The following ANKRD24 variants were observed in gnomAD, a reference collection of about 807,000 sequenced individuals.
The protein encoded by ANKRD24 is ankyrin repeat domain-containing protein 24.
Under a neutral mutation model 127.8 loss-of-function variants are expected in ANKRD24, and 109 were observed. That is an observed-to-expected ratio of 0.85 (90% CI 0.73 to 1.00). The LOEUF is 1.00. ANKRD24 is among the 50% of genes least tolerant of loss of function. The pLI, the probability that ANKRD24 is intolerant of heterozygous loss-of-function variation, is 0.00. For synonymous variants in ANKRD24, 743 were observed against 671.1 expected, an observed-to-expected ratio of 1.11 and a Z score of -1.66; for missense variants, 1,648 against 1,570.2, an observed-to-expected ratio of 1.05 and a Z score of -0.84.
chr19:4,200,892 G>A (rs1044930462), intron 5 of ANKRD24, among the ~76,000 whole-genome samples: 2 of 152,148 alleles, frequency 1.3e-5, no homozygotes, highest in African/African-American at 4.8e-5. Context: ...GGGACCATTG[G>A]ACGAACTAAG....
At chr19:4,216,463 G>A in intron 17 of ANKRD24, 61 bp downstream of exon 17, 3 of 1,556,336 alleles carry the variant, frequency 1.9e-6, no homozygotes, top group Non-Finnish European at 2.6e-6. Flanking sequence ...TGAGGTCAGG[G>A]TGGGCAGGGA....
intron 2 of ANKRD24, among the ~76,000 whole-genome samples, chr19:4,189,594 C>G (rs1001250683): frequency 2.6e-5 from 4 of 151,784 alleles, no homozygotes; most frequent in Non-Finnish European, 5.9e-5. Flanking sequence ...CTATGTTGTC[C>G]AGGCTGGTCT....
At chr19:4,203,052 CT>C (rs551724235) in intron 7 of ANKRD24, 126 bp downstream of exon 7, 76,326 of 583,138 alleles carry the variant, frequency 0.13, no homozygotes, top group South Asian at 0.19. Context: ...TTCTTTCTTT[CT>C]TTTTTTTTTT....
In ANKRD24 at chr19:4,213,265, TTCCTTCCTTCCTTCCC is replaced by T. The variant is rs1326133272; in HGVS notation, c.1197+581_1197+596del. Among the ~76,000 whole-genome samples, 710 of 91,792 alleles carry T rather than the reference TTCCTTCCTTCCTTCCC, an allele frequency of 7.7e-3. 12 individuals carry two copies. The highest frequency in any genetic ancestry group is 0.031 in the African/African-American group (677 of 22,192). The allele number at this position is 91,792 out of a possible 152,430, so 60.2% of individuals were successfully genotyped here. ...TCCTTCCTTCCTTTCCTTCTTTCCT[TTCCTTCCTTCCTTCCC>T]TCCTTCCTTCCTTTCTTTCCTTCCT... On this transcript the variant is annotated intron_variant, in intron 15 of 21. Coordinates refer to ENST00000318934, the MANE Select transcript of ANKRD24 (RefSeq NM_001393985.1).
At chr19:4,185,415 A>G (rs1165177149) in intron 1 of ANKRD24, among the ~76,000 whole-genome samples, 1 of 152,038 alleles carries the variant, frequency 6.6e-6, no homozygotes, top group Non-Finnish European at 1.5e-5. Context: ...ATTCACGAGT[A>G]GATAGGTGGA....
In ANKRD24 at chr19:4,217,058, CGGGAGTGGAGGCCAT is replaced by C; in HGVS notation, c.1902_1916del (p.Met638_Ala642del). 6.2e-7 allele frequency: 1 copy of C among 1,613,816 alleles called. No homozygotes were observed. The highest frequency in any genetic ancestry group is 8.5e-7 in the Non-Finnish European group (1 of 1,179,874). ...GCTCAGGCCACAGACACAGAGACCA[CGGGAGTGGAGGCCAT>C]GGGGGTGGAGGCCACAAAAACAAAA... On this transcript the variant is annotated inframe_deletion, in exon 18 of 22. Coordinates refer to ENST00000318934, the MANE Select transcript of ANKRD24 (RefSeq NM_001393985.1).
rs927201868 is a variant in ANKRD24 at position 4,195,127 on chromosome 19, C to T, written c.37-4556C>T. ...TCACTCTGTCACCCAGGTTGGAGTG[C>T]AGTGGCACGACTTCTGCTCACTGCA... On this transcript the variant is annotated intron_variant, in intron 2 of 21. Coordinates refer to ENST00000318934, the MANE Select transcript of ANKRD24 (RefSeq NM_001393985.1). The surrounding 1 kb of genome is among the most constrained non-coding windows in gnomAD (Gnocchi z 4.2). 2.0e-5 allele frequency among the ~76,000 whole-genome samples: 3 copies of T among 151,954 alleles called. No individual in the cohort carries two copies. The highest frequency in any genetic ancestry group is 6.6e-5 in the Admixed American group (1 of 15,232).
intron 15 of ANKRD24, among the ~76,000 whole-genome samples, chr19:4,215,616 A>T (rs545676286): frequency 9.9e-5 from 15 of 151,364 alleles, no homozygotes; most frequent in African/African-American, 3.6e-4. Flanking sequence ...AAAAAAAAAA[A>T]AATTAAAAAT....
rs771984798 is a variant in ANKRD24, at chr19:4,200,118, G to A, written c.290G>A (p.Cys97Tyr). 6.2e-7 allele frequency: 1 copy of A among 1,606,318 alleles called. No homozygotes were observed. Among genetic ancestry groups the A allele is most frequent in the Non-Finnish European group, 8.5e-7 (1 of 1,176,668 alleles). Residue 97 changes from cysteine (C) to tyrosine (Y), a missense_variant, in exon 5 of 22, where the codon TGT becomes TAT. Physicochemically the swap from Cys to Tyr is radical, Grantham distance 194 (BLOSUM62 -2). Coordinates refer to ENST00000318934, the MANE Select transcript of ANKRD24 (RefSeq NM_001393985.1). ...GCGGCCATGCGGGGTGCGGCCAGCT[G>A]TCTGGAGGTGATGATAGCTCATGGC... ...HLAAMRGAAS[C>Y]LEVMIAHGSN...
chr19:4,206,774 T>G (rs1969410119), intron 7 of ANKRD24, among the ~76,000 whole-genome samples: 1 of 152,188 alleles, frequency 6.6e-6, no homozygotes, highest in Non-Finnish European at 1.5e-5. Flanking sequence ...AACTTGCCTT[T>G]GTTACAAATT....
At chr19:4,209,970 C>A in intron 11 of ANKRD24, 88 bp from the exon 12 acceptor site, 1 of 733,038 alleles carries the variant, frequency 1.4e-6, no homozygotes, top group Non-Finnish European at 2.3e-6. Flanking sequence ...CAGGCCATGG[C>A]TGGGGCTGGC....
intron 15 of ANKRD24, among the ~76,000 whole-genome samples, chr19:4,213,715 C>T (rs1161053973): frequency 6.6e-6 from 1 of 152,060 alleles, no homozygotes; most frequent in East Asian, 1.9e-4. Context: ...GCTGCAACCT[C>T]CGCCTCCCTG....
At chr19:4,196,627 G>A (rs1184953608) in intron 2 of ANKRD24, among the ~76,000 whole-genome samples, 3 of 152,068 alleles carry the variant, frequency 2.0e-5, no homozygotes, top group Admixed American at 6.6e-5. Flanking sequence ...TGCCCGCCTC[G>A]GCCTCCCAAA....
intron 1 of ANKRD24, chr19:4,183,620 A>C (rs901193335): frequency 6.6e-6 from 1 of 152,622 alleles, no homozygotes; most frequent in Non-Finnish European, 1.5e-5. Context: ...GCAAAGATCT[A>C]AAAAGTGAGT....
At chr19:4,184,152 G>A (rs933597810) in intron 1 of ANKRD24, among the ~76,000 whole-genome samples, 6 of 152,310 alleles carry the variant, frequency 3.9e-5, no homozygotes, top group East Asian at 1.9e-4. Context: ...CTCCTCCCTC[G>A]GCTCATCCCC....
intron 20 of ANKRD24, among the ~76,000 whole-genome samples, chr19:4,223,833 G>T (rs1213781943): frequency 3.3e-5 from 5 of 151,912 alleles, no homozygotes; most frequent in Non-Finnish European, 7.4e-5. Context: ...CAAAGTGCTG[G>T]GATTACAGGT....
chr19:4,212,753 C>A, intron 15 of ANKRD24, 55 bp downstream of exon 15: 1 of 1,476,012 alleles, frequency 6.8e-7, no homozygotes, highest in Admixed American at 2.1e-5. Context: ...GAACTTCTCT[C>A]CTACAGCAGC....
Position 4,200,115 on chromosome 19 carries a change from G to T in ANKRD24, c.287G>T (p.Ser96Ile). The change falls in exon 5 of 22, where the codon AGC (serine) becomes ATC (isoleucine). Residue 96 changes from serine (S) to isoleucine (I), a missense_variant. By Grantham distance (142) the Ser-to-Ile change is moderately radical. Transcript: ENST00000318934. ...FHLAAMRGAA[S>I]CLEVMIAHGS... Reference sequence around the variant, plus strand: ...CTGGCGGCCATGCGGGGTGCGGCCAGCTGTCTGGAGGTGATGATAGCTCAT... The same window carrying T: ...CTGGCGGCCATGCGGGGTGCGGCCATCTGTCTGGAGGTGATGATAGCTCAT... 1 of 1,605,664 alleles carries T rather than the reference G, an allele frequency of 6.2e-7. No individual in the cohort carries two copies. The highest frequency in any genetic ancestry group is 8.5e-7 in the Non-Finnish European group (1 of 1,176,348).
At chr19:4,215,311 C>T (rs540112095) in intron 15 of ANKRD24, among the ~76,000 whole-genome samples, 1 of 152,292 alleles carries the variant, frequency 6.6e-6, no homozygotes, top group South Asian at 2.1e-4. Flanking sequence ...CGTGGTGAAA[C>T]CACGTGTCAC....
Sources: allele counts gnomAD v4.1 joint callset (sites outside exome capture counted in the v4.1 genomes callset), GRCh38; gene constraint gnomAD v4.1.1; non-coding constraint Gnocchi (gnomAD v3.1); transcripts MANE v1.5; gene names NCBI Gene and HGNC (gene_info 2026-07-23, HGNC 2026-07-21).